CBLIF: variants seen among roughly 807,000 people sequenced by gnomAD.
CBLIF encodes the protein cobalamin binding intrinsic factor, also known as gastric intrinsic factor (vitamin B synthesis).
A neutral mutation model predicts 44.9 loss-of-function variants in CBLIF; 24 were observed. That is an observed-to-expected ratio of 0.53 (90% CI 0.39 to 0.75). CBLIF has a LOEUF of 0.75. Ranked by LOEUF, CBLIF falls within the 30% of genes least tolerant of loss-of-function variation. CBLIF has a pLI of 0.00. For synonymous variants in CBLIF, 183 were observed against 190.9 expected (o/e 0.96, Z 0.34); for missense variants, 481 against 513.0 (o/e 0.94, Z 0.60).
At chr11:59,839,879 T>C (rs1284664927) in intron 5 of CBLIF, among the ~76,000 whole-genome samples, 1 of 147,536 alleles carries the variant, frequency 6.8e-6, no homozygotes, top group African/African-American at 2.7e-5. Flanking sequence ...AGGTTATTTT[T>C]AGAGAGTCAC....
chr11:59,834,246 T>TTCTTTC (rs1288507785), intron 7 of CBLIF, among the ~76,000 whole-genome samples: 3 of 78,998 alleles, frequency 3.8e-5, no homozygotes, highest in South Asian at 4.5e-4. Context: ...TTCTTTTTCT[T>TTCTTTC]TCTTTCTTTC....
At position 59,841,219 on chromosome 11, in the gene CBLIF, A is replaced by G. The variant is rs771386419; in HGVS notation, c.617T>C (p.Ile206Thr). ...GATCTTCATGCTGATTTTCTCCACA[A>G]TATCCTTTAGTACCTGACCAAACAG... ...RSLFGQVLKD[I>T]VEKISMKIKD... The change falls in exon 5 of 9, where the codon ATT (isoleucine) becomes ACT (threonine). Residue 206 changes from isoleucine (I) to threonine (T), a missense_variant. By Grantham distance (89) the Ile-to-Thr change is moderately conservative (BLOSUM62 -1). Coordinates refer to ENST00000257248, the MANE Select transcript of CBLIF (RefSeq NM_005142.3). 3.1e-6 allele frequency: 5 copies of G among 1,613,234 alleles called. No homozygotes were observed. Among genetic ancestry groups the G allele is most frequent in the Admixed American group, 1.7e-5 (1 of 60,012 alleles).
At position 59,841,278 on chromosome 11, in the gene CBLIF, CTTG is replaced by C. The variant is rs761501191; in HGVS notation, c.555_557del (p.Asn185del). ...AACCTTCCTCTGAACCTACAGGGAT[CTTG>C]TTGTACATACAGGTCAGAGCCAAGG... On this transcript the variant is annotated inframe_deletion, in exon 5 of 9. Coordinates refer to ENST00000257248, the MANE Select transcript of CBLIF (RefSeq NM_005142.3). 1.2e-6 allele frequency: 2 copies of C among 1,613,970 alleles called. No homozygotes were observed. Among genetic ancestry groups the C allele is most frequent in the Non-Finnish European group, 8.5e-7 (1 of 1,179,814 alleles).
rs1160097811 is a variant in CBLIF at position 59,841,335 on chromosome 11, CAG to C, written c.512-13_512-12del. The C allele has an allele frequency of 1.3e-6, 2 of 1,599,584 alleles. No individual in the cohort carries two copies. Among genetic ancestry groups the C allele is most frequent in the African/African-American group, 1.3e-5 (1 of 74,618 alleles). ...CCATTGCTCCTGTGTCTGTGAATGA[CAG>C]AGGGTATAAGATCACCATAGTCACC... On this transcript the variant is annotated splice_polypyrimidine_tract_variant and intron_variant, in intron 4 of 8. Transcript: ENST00000257248.
At position 59,837,186 on chromosome 11, in the gene CBLIF, T is replaced by C. The variant is rs777137202; in HGVS notation, c.859A>G (p.Thr287Ala). 6.2e-6 allele frequency: 10 copies of C among 1,613,316 alleles called. No individual in the cohort carries two copies. The East Asian group carries it at 2.2e-4, about 36-fold the overall frequency. Residue 287 changes from threonine to alanine, a missense_variant, in exon 6 of 9, where the codon ACT becomes GCT. Thr to Ala is a moderately conservative substitution (Grantham distance 58). Transcript: ENST00000257248. ...GKTYLDVPQVTCSPDHEVQPT... is the reference protein window; with the variant it reads ...GKTYLDVPQVACSPDHEVQPT... Reference sequence around the variant, plus strand: ...GTGGATGTCTTACCAGGACTACAAGTGACCTGGGGCACATCTAGGTATGTC... The same window carrying C: ...GTGGATGTCTTACCAGGACTACAAGCGACCTGGGGCACATCTAGGTATGTC...
chr11:59,834,222 GTTTCTTTCTTTCTTTCTTTTTCTTTC>G (rs1310125838), intron 7 of CBLIF, among the ~76,000 whole-genome samples: 4 of 147,444 alleles, frequency 2.7e-5, no homozygotes, highest in African/African-American at 7.8e-5. Flanking sequence ...CTGCCTTTCT[GTTTCTTTCTTTCTTTCTTTTTCTTTC>G]TTTCTTTCTT....
intron 7 of CBLIF, among the ~76,000 whole-genome samples, chr11:59,833,705 T>C (rs1350904806): frequency 6.6e-6 from 1 of 152,142 alleles, no homozygotes; most frequent in African/African-American, 2.4e-5. Context: ...GTATTCCTTC[T>C]TGATATCTTC....
chr11:59,844,158 A>G (rs1021163737), intron 1 of CBLIF, 103 bp from the exon 2 acceptor site: 48 of 942,082 alleles, frequency 5.1e-5, no homozygotes, highest in Non-Finnish European at 7.3e-5. Flanking sequence ...TTTTTTTTTG[A>G]GACAGTGTTA....
Position 59,830,233 on chromosome 11 carries a change from C to CTTTTTT in CBLIF, c.1193-694_1193-689dup, listed in dbSNP as rs530371257. ...TTTAAGTTCCTGGGGCAATTACTTT[C>CTTTTTT]TTTTTTTTTTTTTTTTTTTTTGAAA... On this transcript the variant is annotated intron_variant, in intron 8 of 8. Transcript: ENST00000257248. Among the ~76,000 whole-genome samples, 5 of 123,298 alleles carry CTTTTTT rather than the reference C, an allele frequency of 4.1e-5. No homozygotes were observed. In the East Asian group the frequency reaches 7.1e-4, roughly 18 times the overall value. 80.9% of individuals were successfully genotyped at this position (123,298 alleles called of 152,430 possible). A position where few individuals can be genotyped will look rare whatever the true frequency, so the allele number is the denominator to read the frequency against.
At chr11:59,840,245 G>A (rs150713002) in intron 5 of CBLIF, among the ~76,000 whole-genome samples, 100 of 152,058 alleles carry the variant, frequency 6.6e-4, no homozygotes, top group African/African-American at 1.7e-3. Context: ...CTAATAGTCC[G>A]CAACTATGTT....
intron 7 of CBLIF, among the ~76,000 whole-genome samples, chr11:59,835,388 C>T (rs548663711): frequency 6.6e-6 from 1 of 152,190 alleles, no homozygotes; most frequent in East Asian, 1.9e-4. Context: ...CATGCCTCAG[C>T]CTCCCAAAGT....
intron 7 of CBLIF, among the ~76,000 whole-genome samples, chr11:59,832,862 TA>T (rs1408154669): frequency 2.0e-5 from 3 of 152,166 alleles, no homozygotes; most frequent in Non-Finnish European, 2.9e-5. Context: ...TATCCAAGAT[TA>T]AATATTTGGA....
chr11:59,842,443 CT>C lies in CBLIF; in HGVS notation c.510del (p.Asp171ThrfsTer10). On this transcript the variant is annotated frameshift_variant and splice_region_variant, in exon 4 of 9. Transcript: ENST00000257248. LOFTEE classifies it high-confidence loss of function. Reference sequence around the variant, plus strand: ...CTCGGGGTAGTGGTGACCTACTCACCTACATTGAAGGGAGAGGAGTTGGCCA... The same window carrying C: ...CTCGGGGTAGTGGTGACCTACTCACCACATTGAAGGGAGAGGAGTTGGCCA... ...TLLANSSPFN[V>X]DTGAMATLAL... The C allele has an allele frequency of 6.2e-7, 1 of 1,613,578 alleles. No individual in the cohort carries two copies. The highest frequency in any genetic ancestry group is 8.5e-7 in the Non-Finnish European group (1 of 1,179,990).
intron 5 of CBLIF, among the ~76,000 whole-genome samples, chr11:59,839,738 T>G (rs1045852467): frequency 6.6e-6 from 1 of 152,180 alleles, no homozygotes; most frequent in African/African-American, 2.4e-5. Context: ...GTCCTGCCTT[T>G]TGATAGGAAA....
chr11:59,829,500 T>C lies in CBLIF; in HGVS notation c.1238A>G (p.Asn413Ser), dbSNP rs1243835317. 6.2e-7 allele frequency: 1 copy of C among 1,610,208 alleles called. No homozygotes were observed. Among genetic ancestry groups the C allele is most frequent in the East Asian group, 2.2e-5 (1 of 44,850 alleles). ...IPFNHEHITANFTQY is the reference protein window; with the variant it reads ...IPFNHEHITASFTQY ...ACCTCTTCGTTAGTACTGTGTGAAA[T>C]TGGCTGTGATGTGCTCGTGGTTGAA... Residue 413 changes from asparagine (N) to serine (S), a missense_variant, in exon 9 of 9, where the codon AAT becomes AGT. Transcript: ENST00000257248.
At chr11:59,835,729 T>A (rs901172017) in intron 7 of CBLIF, 79 bp downstream of exon 7, 8 of 1,182,434 alleles carry the variant, frequency 6.8e-6, no homozygotes, top group Admixed American at 1.7e-5. Context: ...AGGAAAAAAA[T>A]TAGGAAAACA....
At chr11:59,841,006 C>A in intron 5 of CBLIF, 137 bp downstream of exon 5, 2 of 757,846 alleles carry the variant, frequency 2.6e-6, no homozygotes, top group East Asian at 2.5e-5. Context: ...AAACTGAGGC[C>A]CAGGCACCAC....
At chr11:59,843,652 C>T (rs748007158) in intron 2 of CBLIF, among the ~76,000 whole-genome samples, 1 of 152,162 alleles carries the variant, frequency 6.6e-6, no homozygotes, top group East Asian at 1.9e-4. Flanking sequence ...GCTGCTCTTT[C>T]GACGTCTAGT....
chr11:59,845,479 T>A lies in CBLIF; in HGVS notation c.-26A>T. 1.4e-6 allele frequency: 2 copies of A among 1,463,296 alleles called. No individual in the cohort carries two copies. Among genetic ancestry groups the A allele is most frequent in the Non-Finnish European group, 1.9e-6 (2 of 1,043,288 alleles). The allele number at this position is 1,463,296 out of a possible 1,614,324, so 90.6% of individuals were successfully genotyped here. ...CTCACTCTCTCGTCTATGTCTCTCA[T>A]CCACAGGTACCGCGATTTGCAAGTG... On this transcript the variant is annotated 5_prime_UTR_variant, in exon 1 of 9. The change abolishes an upstream ATG in the 5' untranslated region. Transcript: ENST00000257248.
Sources: allele counts gnomAD v4.1 joint callset (sites outside exome capture counted in the v4.1 genomes callset), GRCh38; gene constraint gnomAD v4.1.1; transcripts MANE v1.5; gene names NCBI Gene and HGNC (gene_info 2026-07-23, HGNC 2026-07-21).